Variants in MAML3 observed in about 807,000 individuals in gnomAD.
MAML3 encodes the protein mastermind-like protein 3.
MAML3 carries 27 observed loss-of-function variants against 101.9 expected under a neutral mutation model. The observed-to-expected ratio is 0.27, with a 90% CI of 0.20 to 0.37. The LOEUF is 0.37. Among genes scored for constraint, MAML3 ranks in the 10% least tolerant of loss-of-function variants. The pLI, the probability that MAML3 is intolerant of heterozygous loss-of-function variation, is 1.00. For synonymous variants in MAML3, 501 were observed against 555.9 expected, an observed-to-expected ratio of 0.90 and a Z score of 1.39; for missense variants, 1,316 against 1,444.9, an observed-to-expected ratio of 0.91 and a Z score of 1.45.
intron 1 of MAML3, among the ~76,000 whole-genome samples, chr4:140,036,182 C>T (rs1726983997): frequency 6.6e-6 from 1 of 152,156 alleles, no homozygotes; most frequent in Non-Finnish European, 1.5e-5. Context: ...TGTGTGATTT[C>T]TAATACATGT....
At chr4:139,872,259 T>C (rs1334852185) in intron 2 of MAML3, among the ~76,000 whole-genome samples, 1 of 152,208 alleles carries the variant, frequency 6.6e-6, no homozygotes, top group African/African-American at 2.4e-5. Context: ...AACTTCTTAA[T>C]GGCAAGGACC....
chr4:139,988,539 A>G (rs1041043613), intron 1 of MAML3, among the ~76,000 whole-genome samples: 7 of 152,144 alleles, frequency 4.6e-5, no homozygotes. Context: ...GCTGGAGAGC[A>G]CAGAAAAGTC....
chr4:139,925,495 GCT>G (rs57155839), intron 1 of MAML3, among the ~76,000 whole-genome samples: 49,946 of 152,112 alleles, frequency 0.33, 9,366 homozygotes, highest in East Asian at 0.64. Flanking sequence ...CTCCCAAAGT[GCT>G]GGGATTACAG....
intron 1 of MAML3, among the ~76,000 whole-genome samples, chr4:140,093,687 C>T (rs1401455129): frequency 6.6e-6 from 1 of 152,074 alleles, no homozygotes; most frequent in African/African-American, 2.4e-5. Flanking sequence ...CTCGGCCGCC[C>T]AAAGTGCTGG....
At chr4:139,930,293 GGGT>G (rs1223248111) in intron 1 of MAML3, among the ~76,000 whole-genome samples, 1 of 152,152 alleles carries the variant, frequency 6.6e-6, no homozygotes, top group Non-Finnish European at 1.5e-5. Flanking sequence ...AAAAATCTAA[GGGT>G]GCTCATGGCC....
intron 1 of MAML3, among the ~76,000 whole-genome samples, chr4:139,978,364 T>C (rs1268405632): frequency 1.3e-5 from 2 of 152,000 alleles, no homozygotes; most frequent in African/African-American, 4.8e-5. Context: ...AAGGCCCAGA[T>C]TGCATTAGCC....
At chr4:139,834,124 C>T (rs1731218697) in intron 2 of MAML3, among the ~76,000 whole-genome samples, 1 of 152,236 alleles carries the variant, frequency 6.6e-6, no homozygotes, top group Non-Finnish European at 1.5e-5. Context: ...ATAGAGAACG[C>T]TGCCATTTTG....
chr4:139,797,946 AG>A, intron 2 of MAML3, among the ~76,000 whole-genome samples: 1 of 152,088 alleles, frequency 6.6e-6, no homozygotes, highest in African/African-American at 2.4e-5. Context: ...TATATAAAAA[AG>A]GAAGGGGTGA....
chr4:140,014,066 C>T lies in MAML3; in HGVS notation c.469-123099G>A, dbSNP rs72712571. ...ATTACAGATGCTCCACAATGTGGAA[C>T]CATCTTTCTGTGATCTCCTAAATTG... is the stretch of plus-strand genomic sequence containing the variant. On this transcript the variant is annotated intron_variant, in intron 1 of 4. Coordinates refer to ENST00000509479, the MANE Select transcript of MAML3 (RefSeq NM_018717.5). 3.9e-3 allele frequency among the ~76,000 whole-genome samples: 598 copies of T among 152,316 alleles called. 8 individuals are homozygous for T. Among genetic ancestry groups the T allele is most frequent in the South Asian group, 0.026 (126 of 4,830 alleles).
intron 1 of MAML3, among the ~76,000 whole-genome samples, chr4:140,027,213 T>A (rs1434247147): frequency 6.6e-6 from 1 of 152,260 alleles, no homozygotes; most frequent in African/African-American, 2.4e-5. Context: ...TTATCCTTTA[T>A]CTAACCCTAG....
intron 2 of MAML3, among the ~76,000 whole-genome samples, chr4:139,850,914 AAAG>A (rs1393644980): frequency 4.1e-5 from 6 of 147,578 alleles, no homozygotes; most frequent in African/African-American, 1.6e-4. Flanking sequence ...AAAAAAAAAA[AAAG>A]AGAGAGAGAG....
At chr4:139,772,571 G>A (rs144878967) in intron 2 of MAML3, among the ~76,000 whole-genome samples, 2 of 151,692 alleles carry the variant, frequency 1.3e-5, no homozygotes, top group African/African-American at 2.4e-5. Flanking sequence ...TCGAACTCCT[G>A]ACCTCAGGTA....
At chr4:140,146,180 G>C (rs1038663115) in intron 1 of MAML3, among the ~76,000 whole-genome samples, 3 of 151,964 alleles carry the variant, frequency 2.0e-5, no homozygotes, top group African/African-American at 7.2e-5. Flanking sequence ...GCCACCTTTT[G>C]AGATTTTTTA....
chr4:139,730,775 G>T, intron 2 of MAML3, 108 bp from the exon 3 acceptor site: 2 of 1,032,620 alleles, frequency 1.9e-6, no homozygotes, highest in Non-Finnish European at 2.8e-6. Flanking sequence ...CCAGCTTATG[G>T]ACTGGAGGGT....
intron 1 of MAML3, among the ~76,000 whole-genome samples, chr4:139,973,281 C>A (rs574216896): frequency 3.3e-5 from 5 of 152,318 alleles, no homozygotes; most frequent in South Asian, 4.1e-4. Flanking sequence ...TCCAACAAGT[C>A]ATTTCAAACC....
intron 1 of MAML3, among the ~76,000 whole-genome samples, chr4:139,996,483 A>T (rs1362771364): frequency 2.0e-5 from 3 of 152,148 alleles, no homozygotes; most frequent in Admixed American, 1.3e-4. Flanking sequence ...GTTGGTGTAT[A>T]TTCTTGATTC....
chr4:140,100,481 T>C (rs1477153307), intron 1 of MAML3, among the ~76,000 whole-genome samples: 1 of 151,934 alleles, frequency 6.6e-6, no homozygotes, highest in Non-Finnish European at 1.5e-5. Flanking sequence ...AGAATGAGGA[T>C]AGAAGTAACT....
intron 1 of MAML3, among the ~76,000 whole-genome samples, chr4:140,073,678 C>T (rs992950222): frequency 6.6e-6 from 1 of 152,132 alleles, no homozygotes; most frequent in African/African-American, 2.4e-5. Context: ...TTCACAGCTT[C>T]TAAAGCTAGA....
chr4:139,832,094 C>CTTTTTT lies in MAML3; in HGVS notation c.2079+57257_2079+57262dup, dbSNP rs70943444. Reference sequence around the variant, plus strand: ...AGGCGTGAGCCATCATGCCCAGCCCCTTTTTTTTTTTTTTTTTTTTTTTTT... The same window carrying CTTTTTT: ...AGGCGTGAGCCATCATGCCCAGCCCCTTTTTTTTTTTTTTTTTTTTTTTTTTTTTTT... On this transcript the variant is annotated intron_variant, in intron 2 of 4. Transcript: ENST00000509479. 3.6e-4 allele frequency among the ~76,000 whole-genome samples: 23 copies of CTTTTTT among 64,702 alleles called. 3 individuals carry two copies. Among genetic ancestry groups the CTTTTTT allele is most frequent in the Admixed American group, 1.1e-3 (4 of 3,694 alleles). The allele number at this position is 64,702 out of a possible 152,430, so 42.4% of individuals were successfully genotyped here.
Sources: allele counts gnomAD v4.1 joint callset (sites outside exome capture counted in the v4.1 genomes callset), GRCh38; gene constraint gnomAD v4.1.1; transcripts MANE v1.5; gene names NCBI Gene and HGNC (gene_info 2026-07-23, HGNC 2026-07-21).